The following TPTE2 variants were observed in gnomAD, a reference collection of about 807,000 sequenced individuals.
The protein encoded by TPTE2 is transmembrane phosphoinositide 3-phosphatase and tensin homolog 2, also known as phosphatidylinositol 3,4,5-trisphosphate 3-phosphatase TPTE2.
Under a neutral mutation model 78.6 loss-of-function variants are expected in TPTE2, and 53 were observed. That is an observed-to-expected ratio of 0.67 (90% CI 0.54 to 0.85). The LOEUF (loss-of-function observed/expected upper bound fraction) is 0.85. TPTE2 is among the 40% of genes least tolerant of loss of function. The pLI is 0.00. For synonymous variants in TPTE2, 175 were observed against 206.2 expected (o/e 0.85, Z 1.30); for missense variants, 461 against 623.0 (o/e 0.74, Z 2.77).
At chr13:19,544,775 G>A in the TPTE2 span, among the ~76,000 whole-genome samples, 1 of 152,250 alleles carries the variant, frequency 6.6e-6, no homozygotes, top group South Asian at 2.1e-4. Flanking sequence ...GCATGCGCCT[G>A]TCACCCCAGC....
exon 20 of TPTE2, chr13:19,423,084 T>C: frequency 6.2e-7 from 1 of 1,612,858 alleles, no homozygotes; most frequent in African/African-American, 1.3e-5. Flanking sequence ...AAAAAGTATC[T>C]CCACAGCAAA....
At chr13:19,423,012 G>C (rs1875714335) in exon 20 of TPTE2, 17 of 1,598,922 alleles carry the variant, frequency 1.1e-5, no homozygotes, top group South Asian at 2.3e-5. Flanking sequence ...TTCCCAGAAG[G>C]GGAAGGGGGA....
At chr13:19,441,540 C>T (rs1193630604) in intron 13 of TPTE2, among the ~76,000 whole-genome samples, 1 of 152,100 alleles carries the variant, frequency 6.6e-6, no homozygotes, top group Non-Finnish European at 1.5e-5. Flanking sequence ...TTATCATATT[C>T]ATTGATTAAA....
intron 4 of TPTE2, among the ~76,000 whole-genome samples, chr13:19,476,139 T>C (rs1040120363): frequency 2.6e-5 from 4 of 152,024 alleles, no homozygotes; most frequent in African/African-American, 9.7e-5. Context: ...ACATATGAGG[T>C]TGCAAATGAA....
Position 19,480,025 on chromosome 13 carries a change from A to G in TPTE2, c.179+2463T>C, listed in dbSNP as rs1566058504. ...AAACCTTAAAACACTAAAAGTTCCA[A>G]TATTAATATCAAAGTTGAATTAAAA... On this transcript the variant is annotated intron_variant, in intron 4 of 19. Coordinates refer to ENST00000400230, the Ensembl canonical transcript of TPTE2. 2.6e-5 allele frequency among the ~76,000 whole-genome samples: 4 copies of G among 152,264 alleles called. No homozygotes were observed. The East Asian group carries it at 5.8e-4, about 22-fold the overall frequency.
chr13:19,531,689 G>A (rs146407066), intron 1 of TPTE2, among the ~76,000 whole-genome samples: 1,567 of 151,910 alleles, frequency 0.01, 11 homozygotes, highest in Non-Finnish European at 0.015. Flanking sequence ...CACTTTGGGA[G>A]GCCAAGGCAG....
In TPTE2 at chr13:19,475,626, G is replaced by A. The variant is rs1486877636; in HGVS notation, c.180-3C>T. 3.7e-6 allele frequency: 6 copies of A among 1,606,350 alleles called. No individual in the cohort carries two copies. Among genetic ancestry groups the A allele is most frequent in the Non-Finnish European group, 5.1e-6 (6 of 1,176,938 alleles). On this transcript the variant is annotated splice_region_variant and splice_polypyrimidine_tract_variant and intron_variant, in intron 4 of 19. Transcript: ENST00000400230. Reference sequence around the variant, plus strand: ...GCACAATTTTCTTAATCTTGCTGCTGCAAAAAGAAGTAAAAATAAAATTAA... The same window carrying A: ...GCACAATTTTCTTAATCTTGCTGCTACAAAAAGAAGTAAAAATAAAATTAA...
chr13:19,474,838 C>A (rs1434225183), intron 5 of TPTE2, among the ~76,000 whole-genome samples: 1 of 152,162 alleles, frequency 6.6e-6, no homozygotes, highest in Non-Finnish European at 1.5e-5. Context: ...AGTATGAAAT[C>A]GTACTCTTAT....
exon 20 of TPTE2, chr13:19,422,970 C>T: frequency 6.6e-7 from 1 of 1,506,856 alleles, no homozygotes; most frequent in Non-Finnish European, 9.0e-7. Flanking sequence ...GACACATGAA[C>T]ATGTGGCAGG....
chr13:19,554,405 AAAAAT>A, the TPTE2 span, among the ~76,000 whole-genome samples: 4 of 87,872 alleles, frequency 4.6e-5, no homozygotes, highest in African/African-American at 9.1e-5. Context: ...AATAAATATA[AAAAAT>A]AAAATAAAAT....
chr13:19,438,095 G>T (rs374117695), exon 14 of TPTE2: 128 of 1,605,622 alleles, frequency 8.0e-5, no homozygotes, highest in African/African-American at 4.3e-4. Flanking sequence ...TTCATACCTC[G>T]GCAGTTAAAA....
chr13:19,559,530 G>A, the TPTE2 span, among the ~76,000 whole-genome samples: 6 of 146,910 alleles, frequency 4.1e-5, no homozygotes, highest in African/African-American at 1.5e-4. Context: ...TGGAGTTATT[G>A]CTTCAAGGCC....
chr13:19,439,044 G>A (rs1189600712), intron 13 of TPTE2, among the ~76,000 whole-genome samples: 2 of 152,156 alleles, frequency 1.3e-5, no homozygotes, highest in Non-Finnish European at 2.9e-5. Context: ...AAACGCTGCC[G>A]GCATTTTCCC....
intron 6 of TPTE2, among the ~76,000 whole-genome samples, chr13:19,470,740 G>C (rs1012830734): frequency 6.0e-5 from 9 of 151,188 alleles, no homozygotes; most frequent in Non-Finnish European, 8.9e-5. Flanking sequence ...TGGCCAGGCT[G>C]GTCTTGAACT....
At chr13:19,454,253 T>A (rs1375823310) in intron 10 of TPTE2, among the ~76,000 whole-genome samples, 1 of 152,234 alleles carries the variant, frequency 6.6e-6, no homozygotes. Context: ...ACCCTGCAAC[T>A]TGATTCCCTT....
At chr13:19,447,781 A>T (rs1877931846) in intron 13 of TPTE2, among the ~76,000 whole-genome samples, 1 of 152,132 alleles carries the variant, frequency 6.6e-6, no homozygotes. Flanking sequence ...AATGAGAGAA[A>T]ATCTAACTAA....
intron 1 of TPTE2, among the ~76,000 whole-genome samples, chr13:19,514,084 T>C (rs1201374161): frequency 6.6e-6 from 1 of 152,138 alleles, no homozygotes; most frequent in East Asian, 1.9e-4. Context: ...TTGCTGCCTG[T>C]CCAATGCTAC....
intron 1 of TPTE2, among the ~76,000 whole-genome samples, chr13:19,494,473 T>C (rs1372111488): frequency 6.6e-6 from 1 of 152,174 alleles, no homozygotes; most frequent in African/African-American, 2.4e-5. Flanking sequence ...AGCGGCATGT[T>C]CTCAGCTCAC....
chr13:19,534,225 C>T (rs1020552862), intron 1 of TPTE2, among the ~76,000 whole-genome samples: 1 of 152,136 alleles, frequency 6.6e-6, no homozygotes, highest in Non-Finnish European at 1.5e-5. Flanking sequence ...ATGTAATTTA[C>T]GGGAACAACA....
Sources: gnomAD v4.1 joint callset for allele counts (sites outside exome capture counted in the v4.1 genomes callset) on GRCh38, gnomAD v4.1.1 for gene constraint, MANE v1.5 for transcripts, NCBI Gene and HGNC (gene_info 2026-07-23, HGNC 2026-07-21) for gene names.